Variants in PCDHGA4 observed in about 807,000 individuals in gnomAD.
PCDHGA4 encodes the protein protocadherin gamma subfamily A, 4, also known as protocadherin gamma-A4.
In PCDHGA4, 38 loss-of-function variants were observed where a neutral mutation model predicts 54.6. That is an observed-to-expected ratio of 0.70 (90% confidence interval 0.54 to 0.91). The LOEUF is 0.91. Among genes scored for constraint, PCDHGA4 ranks in the 40% least tolerant of loss-of-function variants. The pLI is 0.00. For synonymous variants in PCDHGA4, 511 were observed against 512.9 expected (o/e 1.00, Z 0.05); for missense variants, 1,298 against 1,220.9 (o/e 1.06, Z -0.94).
At chr5:141,482,343 A>G (rs1016179369) in intron 1 of PCDHGA4, among the ~76,000 whole-genome samples, 3 of 152,126 alleles carry the variant, frequency 2.0e-5, no homozygotes, top group Non-Finnish European at 2.9e-5. Flanking sequence ...TACTTTGCAA[A>G]CTTGTTGTGA....
intron 1 of PCDHGA4, chr5:141,409,913 G>A: frequency 6.2e-7 from 1 of 1,613,334 alleles, no homozygotes; most frequent in South Asian, 1.1e-5. Flanking sequence ...GGGTCCTGAC[G>A]GCTCCGCGTT....
chr5:141,444,001 C>G (rs2098413288), intron 1 of PCDHGA4, among the ~76,000 whole-genome samples: 1 of 151,914 alleles, frequency 6.6e-6, no homozygotes, highest in Non-Finnish European at 1.5e-5. Flanking sequence ...TTAAATGCTA[C>G]CTGGGTATTG....
At chr5:141,361,098 A>G (rs1345076438) in intron 1 of PCDHGA4, 1 of 1,614,016 alleles carries the variant, frequency 6.2e-7, no homozygotes, top group East Asian at 2.2e-5. Context: ...GTATCGAAGC[A>G]AAAGATCCTG....
At chr5:141,446,102 A>C (rs751362645) in intron 1 of PCDHGA4, among the ~76,000 whole-genome samples, 1 of 152,214 alleles carries the variant, frequency 6.6e-6, no homozygotes, top group Non-Finnish European at 1.5e-5. Context: ...TGAATTATAG[A>C]TATATTTAGG....
At chr5:141,415,569 A>G (rs962518094) in intron 1 of PCDHGA4, 12 of 1,614,092 alleles carry the variant, frequency 7.4e-6, no homozygotes, top group Non-Finnish European at 1.0e-5. Flanking sequence ...TGTCTTTGTT[A>G]GATGATTCGA....
intron 1 of PCDHGA4, chr5:141,418,650 T>A (rs764145825): frequency 5.0e-6 from 8 of 1,613,898 alleles, no homozygotes; most frequent in South Asian, 2.2e-5. Flanking sequence ...ATCCTGAGAG[T>A]GAAGGCCACT....
intron 1 of PCDHGA4, chr5:141,415,500 C>G (rs754684999): frequency 6.2e-6 from 10 of 1,614,074 alleles, no homozygotes; most frequent in Non-Finnish European, 8.5e-6. Context: ...TGATCTTCCC[C>G]CAGCCCAATT....
Position 141,355,516 on chromosome 5 carries a change from C to T in PCDHGA4, c.409C>T (p.Leu137=), listed in dbSNP as rs201107501. The change falls in exon 1 of 4, where the codon CTG becomes TTG. Residue 137 remains leucine, a synonymous_variant. Coordinates refer to ENST00000571252, the MANE Select transcript of PCDHGA4 (RefSeq NM_018917.4). The part of the protein sequence containing the change: ...CDRSPNCVTN[L]EILLEDTVKI... ...CAGATCTCCAAACTGTGTGACAAAC[C>T]TGGAGATTCTTCTAGAAGATACAGT... 1.3e-3 allele frequency: 2,116 copies of T among 1,614,044 alleles called. 6 individuals are homozygous for T. The highest frequency in any genetic ancestry group is 2.2e-3 in the South Asian group (197 of 91,082).
chr5:141,506,434 C>A lies in PCDHGA4; in HGVS notation c.2662+953C>A, dbSNP rs139627189. Among the ~76,000 whole-genome samples the A allele has an allele frequency of 8.5e-4, 112 of 131,752 alleles. 2 individuals are homozygous for A. The highest frequency in any genetic ancestry group is 3.3e-3 in the African/African-American group (107 of 32,408). 86.4% of individuals were successfully genotyped at this position (131,752 alleles called of 152,430 possible). ...TGCACTCCAGCCTGGGCAACAGTCT[C>A]GCTCTGTCTCAAAAAAAAAAAAAAA... On this transcript the variant is annotated intron_variant, in intron 3 of 3. Transcript: ENST00000571252.
Position 141,490,142 on chromosome 5 carries a change from C to A in PCDHGA4, c.2515-4665C>A. On this transcript the variant is annotated intron_variant, in intron 1 of 3. Coordinates refer to ENST00000571252, the MANE Select transcript of PCDHGA4 (RefSeq NM_018917.4). This position sits in a 1 kb window ranked among gnomAD's most constrained non-coding sequence, Gnocchi z 5.4. The stretch of plus-strand genomic sequence containing the variant: ...TTTGGCCTAGACCCTAGCAGTGGGG[C>A]AATCCATGTGTTGGGTCCCATAGAC... The A allele has an allele frequency of 1.9e-6, 3 of 1,614,220 alleles. No individual in the cohort carries two copies. The highest frequency in any genetic ancestry group is 2.7e-5 in the African/African-American group (2 of 75,060).
chr5:141,502,179 A>C (rs1403845758), intron 2 of PCDHGA4, among the ~76,000 whole-genome samples: 3 of 152,218 alleles, frequency 2.0e-5, no homozygotes, highest in African/African-American at 7.2e-5. Context: ...GGAATTTAAC[A>C]TTAATACAAT....
At chr5:141,412,282 C>A (rs1017660848) in intron 1 of PCDHGA4, 1 of 152,186 alleles carries the variant, frequency 6.6e-6, no homozygotes, top group African/African-American at 2.4e-5. Flanking sequence ...ACTTCAAATT[C>A]TACGTATTTC....
chr5:141,471,427 AGT>A (rs1475862025), intron 1 of PCDHGA4: 1 of 152,188 alleles, frequency 6.6e-6, no homozygotes, highest in Non-Finnish European at 1.5e-5. Flanking sequence ...TAGCAAGGAA[AGT>A]GTATAATCTC....
rs1048686904 is a variant in PCDHGA4, at chr5:141,410,286, C to T, written c.2514+52665C>T. 3.7e-6 allele frequency: 6 copies of T among 1,613,916 alleles called. No homozygotes were observed. The African/African-American group carries it at 6.7e-5, about 18-fold the overall frequency. On this transcript the variant is annotated intron_variant, in intron 1 of 3. Transcript: ENST00000571252. Reference sequence around the variant, plus strand: ...GAACTGCAGTTTTACCTGGTGGTGGCCTTGGCCTTAATCTCAGTGCTCTTC... The same window carrying T: ...GAACTGCAGTTTTACCTGGTGGTGGTCTTGGCCTTAATCTCAGTGCTCTTC...
intron 1 of PCDHGA4, chr5:141,422,106 C>T: frequency 6.2e-7 from 1 of 1,607,266 alleles, no homozygotes; most frequent in Non-Finnish European, 8.5e-7. Flanking sequence ...CTGAAATATT[C>T]CAATTGGATT....
chr5:141,384,374 C>A, intron 1 of PCDHGA4: 1 of 1,613,920 alleles, frequency 6.2e-7, no homozygotes, highest in Non-Finnish European at 8.5e-7. Flanking sequence ...TATTCCTTGG[C>A]CGAAGACACC....
chr5:141,478,497 C>A (rs746475685), intron 1 of PCDHGA4: 2 of 1,612,820 alleles, frequency 1.2e-6, no homozygotes, highest in Non-Finnish European at 1.7e-6. Context: ...AGCTGTGATC[C>A]GGTGTTCTAT....
At chr5:141,500,260 C>G (rs2099798502) in intron 2 of PCDHGA4, among the ~76,000 whole-genome samples, 3 of 151,104 alleles carry the variant, frequency 2.0e-5, no homozygotes, top group African/African-American at 2.4e-5. Flanking sequence ...CCAGGCTGGA[C>G]TGCAGTGGCG....
At chr5:141,358,948 G>A (rs183481542) in intron 1 of PCDHGA4, among the ~76,000 whole-genome samples, 2 of 152,276 alleles carry the variant, frequency 1.3e-5, no homozygotes, top group East Asian at 3.9e-4. Context: ...TGTTCTTTGT[G>A]CTTTCATTTA....
Sources: allele counts gnomAD v4.1 joint callset (sites outside exome capture counted in the v4.1 genomes callset), GRCh38; gene constraint gnomAD v4.1.1; non-coding constraint Gnocchi (gnomAD v3.1); transcripts MANE v1.5; gene names NCBI Gene and HGNC (gene_info 2026-07-23, HGNC 2026-07-21).